The following ARHGAP24 variants were observed in gnomAD, a reference collection of about 807,000 sequenced individuals.
ARHGAP24 encodes Rho GTPase activating protein 24.
ARHGAP24 carries 50 observed loss-of-function variants against 76.4 expected under a neutral mutation model. The observed-to-expected ratio is 0.65, with a 90% confidence interval of 0.52 to 0.83. The LOEUF (loss-of-function observed/expected upper bound fraction) is 0.83, where lower values mean the gene tolerates loss of function less well. ARHGAP24 is among the 40% of genes least tolerant of loss of function. The pLI, the probability that ARHGAP24 is intolerant of heterozygous loss-of-function variation, is 0.00. For missense variants in ARHGAP24, 930 were observed against 914.2 expected (o/e 1.02, Z -0.22); for synonymous variants, 345 against 323.3 (o/e 1.07, Z -0.72).
intron 4 of ARHGAP24, among the ~76,000 whole-genome samples, chr4:85,931,821 G>C (rs1450042394): frequency 6.6e-6 from 1 of 152,072 alleles, no homozygotes; most frequent in African/African-American, 2.4e-5. Context: ...TAATTAAATG[G>C]AATGGCTGTT....
At chr4:85,959,907 G>C (rs1321991190) in intron 5 of ARHGAP24, among the ~76,000 whole-genome samples, 1 of 152,104 alleles carries the variant, frequency 6.6e-6, no homozygotes, top group Non-Finnish European at 1.5e-5. Flanking sequence ...CAAGTGACTA[G>C]TGATGTTCAA....
At chr4:85,994,551 C>G in intron 8 of ARHGAP24, 32 bp from the exon 9 acceptor site, 1 of 1,596,360 alleles carries the variant, frequency 6.3e-7, no homozygotes. Context: ...AACTGTCTCA[C>G]TCATGCTACT....
intron 3 of ARHGAP24, among the ~76,000 whole-genome samples, chr4:85,825,494 A>G (rs1729671066): frequency 6.6e-6 from 1 of 152,238 alleles, no homozygotes; most frequent in South Asian, 2.1e-4. Context: ...TGCTTCCTTA[A>G]GAGCATTGTT....
intron 2 of ARHGAP24, among the ~76,000 whole-genome samples, chr4:85,575,439 G>T (rs1727332443): frequency 6.6e-6 from 1 of 152,088 alleles, no homozygotes; most frequent in Non-Finnish European, 1.5e-5. Context: ...GTATTTACAT[G>T]CAGAGGAAAA....
At chr4:85,682,611 T>G (rs1723247722) in intron 2 of ARHGAP24, among the ~76,000 whole-genome samples, 1 of 152,196 alleles carries the variant, frequency 6.6e-6, no homozygotes, top group African/African-American at 2.4e-5. Flanking sequence ...ATAATTCAAG[T>G]AATTGCCTCC....
At chr4:85,909,780 T>C (rs116160327) in intron 3 of ARHGAP24, among the ~76,000 whole-genome samples, 18 of 152,260 alleles carry the variant, frequency 1.2e-4, no homozygotes, top group Non-Finnish European at 2.6e-4. Context: ...GTCTAGAAAA[T>C]TGTAGAGCTA....
At chr4:85,623,709 C>A (rs529174154) in intron 2 of ARHGAP24, among the ~76,000 whole-genome samples, 1 of 151,802 alleles carries the variant, frequency 6.6e-6, no homozygotes, top group Non-Finnish European at 1.5e-5. Context: ...GATATTGATT[C>A]TTCCTACCCA....
intron 2 of ARHGAP24, among the ~76,000 whole-genome samples, chr4:85,584,784 C>A (rs1457833785): frequency 1.3e-5 from 2 of 152,096 alleles, no homozygotes; most frequent in Non-Finnish European, 2.9e-5. Context: ...GAAGGAACTT[C>A]ATTCCTACTT....
chr4:85,736,981 G>A (rs560720707), intron 3 of ARHGAP24, among the ~76,000 whole-genome samples: 7 of 152,226 alleles, frequency 4.6e-5, no homozygotes, highest in African/African-American at 1.7e-4. Flanking sequence ...CAAATTCAAT[G>A]ATAAGTTTTA....
intron 3 of ARHGAP24, among the ~76,000 whole-genome samples, chr4:85,886,187 A>G (rs1324713901): frequency 2.0e-5 from 3 of 152,146 alleles, no homozygotes; most frequent in Non-Finnish European, 4.4e-5. Context: ...GCAAAAGTTT[A>G]ATGATTGTCA....
At chr4:85,815,249 A>G (rs926533990) in intron 3 of ARHGAP24, among the ~76,000 whole-genome samples, 2 of 152,140 alleles carry the variant, frequency 1.3e-5, no homozygotes, top group African/African-American at 4.8e-5. Flanking sequence ...TGGAAATAAC[A>G]TTTGGCTTCT....
intron 2 of ARHGAP24, among the ~76,000 whole-genome samples, chr4:85,709,973 T>C (rs1724464005): frequency 6.6e-6 from 1 of 152,110 alleles, no homozygotes; most frequent in South Asian, 2.1e-4. Context: ...GCTTTTTCTA[T>C]CAAATTACCA....
chr4:85,828,325 T>A (rs1028896484), intron 3 of ARHGAP24, among the ~76,000 whole-genome samples: 3 of 152,238 alleles, frequency 2.0e-5, no homozygotes, highest in Admixed American at 2.0e-4. Flanking sequence ...GATAAAAATC[T>A]AAATTGCTAT....
At chr4:85,947,092 G>A (rs986557199) in intron 5 of ARHGAP24, among the ~76,000 whole-genome samples, 59 of 152,164 alleles carry the variant, frequency 3.9e-4, no homozygotes, top group African/African-American at 1.3e-3. Context: ...GTGATGATGA[G>A]CATTTTTTCA....
chr4:85,626,645 C>G (rs1385380145), intron 2 of ARHGAP24, among the ~76,000 whole-genome samples: 2 of 152,194 alleles, frequency 1.3e-5, no homozygotes, highest in African/African-American at 4.8e-5. Flanking sequence ...TGGGGAAGTT[C>G]TCCTGGATAA....
chr4:85,586,375 T>C (rs979337), intron 2 of ARHGAP24, among the ~76,000 whole-genome samples: 79,344 of 152,060 alleles, frequency 0.52, 22,666 homozygotes, highest in Non-Finnish European at 0.66. Flanking sequence ...TAATAAAGTG[T>C]TTGGGAGCTT....
intron 3 of ARHGAP24, among the ~76,000 whole-genome samples, chr4:85,759,443 C>G (rs891675052): frequency 1.3e-5 from 2 of 152,100 alleles, no homozygotes; most frequent in Non-Finnish European, 1.5e-5. Flanking sequence ...TTAGTCAATA[C>G]CACCTTGATT....
intron 7 of ARHGAP24, among the ~76,000 whole-genome samples, chr4:85,976,714 A>G (rs1479530197): frequency 6.6e-6 from 1 of 151,658 alleles, no homozygotes; most frequent in Non-Finnish European, 1.5e-5. Context: ...AAATAGAAAC[A>G]GTTTGCATTT....
chr4:85,942,252 G>A lies in ARHGAP24; in HGVS notation c.578G>A (p.Gly193Glu). 1.2e-6 allele frequency: 2 copies of A among 1,613,986 alleles called. No homozygotes were observed. The highest frequency in any genetic ancestry group is 1.7e-6 in the Non-Finnish European group (2 of 1,179,980). The change falls in exon 5 of 10, where the codon GGG (glycine) becomes GAG (glutamate). Residue 193 changes from glycine to glutamate, a missense_variant. Transcript: ENST00000395184. The stretch of plus-strand genomic sequence containing the variant: ...GAGCTCCAAGATGCCTTTGACTGTG[G>A]GGAGAAGCCATCATTTGACAGGTAG... ...VKELQDAFDC[G>E]EKPSFDSNTD... is the part of the protein sequence containing the mutation.
Sources: allele counts gnomAD v4.1 joint callset (sites outside exome capture counted in the v4.1 genomes callset), GRCh38; gene constraint gnomAD v4.1.1; transcripts MANE v1.5; gene names NCBI Gene and HGNC (gene_info 2026-07-23, HGNC 2026-07-21).